PLK4: variants seen among roughly 807,000 people sequenced by gnomAD.
PLK4 encodes the protein serine/threonine-protein kinase PLK4.
PLK4 carries 51 observed loss-of-function variants against 103.0 expected under a neutral mutation model. The observed-to-expected ratio is 0.50, with a 90% CI of 0.40 to 0.63. The LOEUF is 0.63. Ranked by LOEUF, PLK4 falls within the 20% of genes least tolerant of loss-of-function variation. PLK4 has a pLI of 0.00. For synonymous variants in PLK4, 389 were observed against 376.8 expected (o/e 1.03, Z -0.38); for missense variants, 1,054 against 1,151.0 (o/e 0.92, Z 1.22).
rs1255939059 is a variant in PLK4 at position 127,885,862 on chromosome 4, A to T, written c.492A>T (p.Pro164=). Residue 164 remains proline (P), a synonymous_variant, in exon 5 of 16, where the codon CCA becomes CCT. Transcript: ENST00000270861. ...DFGLATQLKM[P]HEKHYTLCGT... ...GGCTGGCAACTCAACTGAAAATGCC[A>T]CATGAAAAGCACTATACATTATGTG... 1 of 1,614,146 alleles carries T rather than the reference A, an allele frequency of 6.2e-7. No individual in the cohort carries two copies. Among genetic ancestry groups the T allele is most frequent in the Admixed American group, 1.7e-5 (1 of 60,022 alleles).
intron 10 of PLK4, chr4:127,892,760 C>T (rs955741970): frequency 1.5e-5 from 5 of 335,764 alleles, no homozygotes; most frequent in African/African-American, 8.8e-5. Flanking sequence ...TCCAGTTTAA[C>T]TACGTCTAGG....
At chr4:127,891,741 A>G in intron 9 of PLK4, 60 bp downstream of exon 9, 2 of 548,370 alleles carry the variant, frequency 3.6e-6, no homozygotes, top group East Asian at 3.1e-5. Context: ...ATACGTATAA[A>G]CTCTATATAT....
Position 127,891,081 on chromosome 4 carries a change from T to G in PLK4, c.1831-11T>G. On this transcript the variant is annotated splice_polypyrimidine_tract_variant and intron_variant, in intron 7 of 15. Transcript: ENST00000270861. ...GAATTATTACTGATTTTGGGTTTTT[T>G]TTTTTTTTAGGTGAGCATACTTGAT... 1 of 1,498,882 alleles carries G rather than the reference T, an allele frequency of 6.7e-7. No homozygotes were observed. The highest frequency in any genetic ancestry group is 9.1e-7 in the Non-Finnish European group (1 of 1,097,998). 92.8% of individuals were successfully genotyped at this position (1,498,882 alleles called of 1,614,324 possible). A position where few individuals can be genotyped will look rare whatever the true frequency, so the allele number is the denominator to read the frequency against.
At chr4:127,886,896 T>G (rs1421853080) in intron 5 of PLK4, among the ~76,000 whole-genome samples, 168 bp downstream of exon 5, 1 of 152,164 alleles carries the variant, frequency 6.6e-6, no homozygotes, top group Non-Finnish European at 1.5e-5. Flanking sequence ...GTGTGTGTGT[T>G]CATGAATGTG....
At chr4:127,883,812 T>C (rs1445427149) in intron 4 of PLK4, among the ~76,000 whole-genome samples, 2 of 152,206 alleles carry the variant, frequency 1.3e-5, no homozygotes, top group Non-Finnish European at 2.9e-5. Flanking sequence ...GGTAGCAGTT[T>C]ACTGTGTATC....
intron 6 of PLK4, among the ~76,000 whole-genome samples, chr4:127,889,189 A>G (rs1448374789): frequency 1.3e-5 from 2 of 152,118 alleles, no homozygotes; most frequent in Admixed American, 6.6e-5. Context: ...TATAATTCAA[A>G]TTTTTAGTTT....
At position 127,892,528 on chromosome 4, in the gene PLK4, G is replaced by T; in HGVS notation, c.2188+14G>T. ...GGTTTTATGATGGTAAGTACCATTT[G>T]GAAATGGTAATTTGTTCCTTTAGTT... On this transcript the variant is annotated intron_variant, in intron 10 of 15. Coordinates refer to ENST00000270861, the MANE Select transcript of PLK4 (RefSeq NM_014264.5). 1 of 1,590,696 alleles carries T rather than the reference G, an allele frequency of 6.3e-7. No homozygotes were observed. Among genetic ancestry groups the T allele is most frequent in the South Asian group, 1.1e-5 (1 of 88,210 alleles).
intron 4 of PLK4, among the ~76,000 whole-genome samples, chr4:127,884,785 A>G (rs989053191): frequency 3.9e-5 from 6 of 152,022 alleles, no homozygotes; most frequent in Admixed American, 1.3e-4. Context: ...AAAAATACAA[A>G]AAAAATTAGC....
rs745315208 is a variant in PLK4 at position 127,891,196 on chromosome 4, G to T, written c.1935G>T (p.Thr645=). 3 of 1,409,076 alleles carry T rather than the reference G, an allele frequency of 2.1e-6. No individual in the cohort carries two copies. The highest frequency in any genetic ancestry group is 3.0e-6 in the Non-Finnish European group (3 of 1,005,402). The allele number at this position is 1,409,076 out of a possible 1,614,324, so 87.3% of individuals were successfully genotyped here. The change falls in exon 8 of 16, where the codon ACG becomes ACT. Residue 645 remains threonine (T), a splice_region_variant and synonymous_variant. Transcript: ENST00000270861. ...TTCAGATATCTAGTGATGGAAATAC[G>T]GTAATGTGTAGTTACTTTATTACCT... is the stretch of plus-strand genomic sequence containing the variant. ...EVLQISSDGN[T]ITIYYPNGGR...
In PLK4 at chr4:127,885,924, G is replaced by A. The variant is rs200955595; in HGVS notation, c.554G>A (p.Arg185Gln). 9.9e-6 allele frequency: 16 copies of A among 1,614,068 alleles called. No individual in the cohort carries two copies. The African/African-American group carries it at 1.1e-4, about 11-fold the overall frequency. Residue 185 changes from arginine (R) to glutamine (Q), a missense_variant, in exon 5 of 16, where the codon CGA (arginine) becomes CAA (glutamine). Transcript: ENST00000270861. ...PNYISPEIAT[R>Q]SAHGLESDVW... ...TACATTTCACCAGAAATTGCCACTC[G>A]AAGTGCACATGGCCTTGAATCTGAT...
At chr4:127,895,159 A>T in intron 14 of PLK4, 66 bp downstream of exon 14, 1 of 1,068,652 alleles carries the variant, frequency 9.4e-7, no homozygotes, top group Non-Finnish European at 1.3e-6. Context: ...CACTGATAAG[A>T]CAATTACCAA....
intron 2 of PLK4, among the ~76,000 whole-genome samples, chr4:127,882,734 G>A (rs1734976742): frequency 6.6e-6 from 1 of 152,002 alleles, no homozygotes; most frequent in Admixed American, 6.6e-5. Context: ...CTCCAGCCCA[G>A]GCAACAAGAG....
chr4:127,893,674 T>C, intron 12 of PLK4, 60 bp from the exon 13 acceptor site: 1 of 1,581,638 alleles, frequency 6.3e-7, no homozygotes, highest in Non-Finnish European at 8.6e-7. Context: ...TTATAAACAT[T>C]CTTTAGTTTT....
chr4:127,896,821 G>T lies in PLK4; in HGVS notation c.2724G>T (p.Trp908Cys). ...WATQLTSGAV[W>C]VQFNDGSQLV... ...TCTAGTTAACTAGTGGAGCTGTGTG[G>T]GTTCAGTTTAATGATGGGTCCCAGT... is the stretch of plus-strand genomic sequence containing the variant. Residue 908 changes from tryptophan to cysteine, a missense_variant, in exon 15 of 16, where the codon TGG becomes TGT. Around this residue, in one of 4 missense-constraint regions of PLK4, gnomAD observed 167 missense variants for 200.7 expected, o/e 0.83. Transcript: ENST00000270861. The T allele has an allele frequency of 6.2e-7, 1 of 1,610,024 alleles. No homozygotes were observed. The highest frequency in any genetic ancestry group is 8.5e-7 in the Non-Finnish European group (1 of 1,176,906).
rs778655294 is a variant in PLK4 at position 127,882,469 on chromosome 4, A to AT, written c.126+545dup. Among the ~76,000 whole-genome samples the AT allele has an allele frequency of 1.3e-3, 194 of 152,274 alleles. 4 individuals are homozygous for AT. The highest frequency in any genetic ancestry group is 3.2e-4 in the Non-Finnish European group (22 of 68,008). ...CCTCCTCTCTACCAAAAATACAAAA[A>AT]TTAGCTGCTGCTGGGCACGGTGGCT... On this transcript the variant is annotated intron_variant, in intron 2 of 15. Transcript: ENST00000270861.
chr4:127,895,758 T>C (rs1005015112), intron 14 of PLK4, among the ~76,000 whole-genome samples: 3 of 151,996 alleles, frequency 2.0e-5, no homozygotes, highest in African/African-American at 7.3e-5. Context: ...AAGAAAAGGA[T>C]TTTTCCATTA....
At position 127,886,418 on chromosome 4, in the gene PLK4, C is replaced by A. The variant is rs1207742773; in HGVS notation, c.1048C>A (p.Gln350Lys). Residue 350 changes from glutamine to lysine, a missense_variant, in exon 5 of 16, where the codon CAA becomes AAA. Gln to Lys is a moderately conservative substitution (Grantham distance 53, BLOSUM62 1). Coordinates refer to ENST00000270861, the MANE Select transcript of PLK4 (RefSeq NM_014264.5). ...GNSFYTQWGN[Q>K]ETSNSGRGRV... Reference sequence around the variant, plus strand: ...CAGTTTTTATACTCAGTGGGGAAATCAAGAAACCAGTAATAGTGGAAGGGG... The same window carrying A: ...CAGTTTTTATACTCAGTGGGGAAATAAAGAAACCAGTAATAGTGGAAGGGG... 4.3e-6 allele frequency: 7 copies of A among 1,613,818 alleles called. No homozygotes were observed. The highest frequency in any genetic ancestry group is 3.3e-5 in the South Asian group (3 of 91,084).
chr4:127,895,514 T>A lies in PLK4; in HGVS notation c.2703+421T>A, dbSNP rs531905517. On this transcript the variant is annotated intron_variant, in intron 14 of 15. Transcript: ENST00000270861. ...GTCTCACACTGCAAGCTCCGCCTCC[T>A]GGGTTGACACCATTCTCCTGCCTCA... Among the ~76,000 whole-genome samples the A allele has an allele frequency of 5.3e-5, 7 of 132,742 alleles. No homozygotes were observed. In the Admixed American group the frequency reaches 6.0e-4, roughly 11 times the overall value. The allele number at this position is 132,742 out of a possible 152,430, so 87.1% of individuals were successfully genotyped here. A position where few individuals can be genotyped will look rare whatever the true frequency, so the allele number is the denominator to read the frequency against.
chr4:127,881,880 A>G lies in PLK4; in HGVS notation c.80A>G (p.Tyr27Cys), dbSNP rs1734944991. 3 of 1,610,466 alleles carry G rather than the reference A, an allele frequency of 1.9e-6. No homozygotes were observed. Among genetic ancestry groups the G allele is most frequent in the South Asian group, 1.1e-5 (1 of 91,032 alleles). ...GGTAAAGGATCATTTGCTGGTGTCTACAGAGCTGAGTCCATTCACACTGGT... is the reference window on the plus strand; with the variant it reads ...GGTAAAGGATCATTTGCTGGTGTCTGCAGAGCTGAGTCCATTCACACTGGT... ...LLGKGSFAGV[Y>C]RAESIHTGLE... Residue 27 changes from tyrosine to cysteine, a missense_variant, in exon 2 of 16, where the codon TAC (tyrosine) becomes TGC (cysteine). Coordinates refer to ENST00000270861, the MANE Select transcript of PLK4 (RefSeq NM_014264.5).
Sources: allele counts gnomAD v4.1 joint callset (sites outside exome capture counted in the v4.1 genomes callset), GRCh38; gene constraint gnomAD v4.1.1; regional missense constraint gnomAD v4.1.1; transcripts MANE v1.5; gene names NCBI Gene and HGNC (gene_info 2026-07-23, HGNC 2026-07-21).